Variants in ABCC11 observed in about 807,000 individuals in gnomAD.
The protein encoded by ABCC11 is ATP-binding cassette sub-family C member 11.
Under a neutral mutation model 149.3 loss-of-function variants are expected in ABCC11, and 135 were observed. That is an observed-to-expected ratio of 0.90 (90% confidence interval 0.79 to 1.04). The LOEUF is 1.04. ABCC11 is among the 50% of genes least tolerant of loss of function. The pLI, the probability that ABCC11 is intolerant of heterozygous loss-of-function variation, is 0.00. For missense variants in ABCC11, 1,680 were observed against 1,722.1 expected (o/e 0.98, Z 0.43); for synonymous variants, 665 against 671.4 (o/e 0.99, Z 0.15).
chr16:48,205,687 G>T (rs1311153181), intron 12 of ABCC11, 150 bp from the exon 13 acceptor site: 2 of 1,035,598 alleles, frequency 1.9e-6, no homozygotes, highest in Non-Finnish European at 1.3e-6. Flanking sequence ...GCCCTACCAG[G>T]CCCACCAGCG....
intron 1 of ABCC11, 108 bp from the exon 2 acceptor site, chr16:48,232,047 T>C (rs553703111): frequency 7.2e-5 from 109 of 1,523,770 alleles, no homozygotes; most frequent in East Asian, 1.8e-4. Flanking sequence ...AGGGAGCATA[T>C]TGGGGCCATG....
In ABCC11 at chr16:48,211,109, A is replaced by G. The variant is rs186995700; in HGVS notation, c.1447T>C (p.Trp483Arg). The change falls in exon 11 of 30, where the codon TGG becomes CGG. Residue 483 changes from tryptophan (W) to arginine (R), a missense_variant. By Grantham distance (101) the Trp-to-Arg change is moderately radical. Transcript: ENST00000356608. ...ALVFEEATLS[W>R]QQTCPGIVNG... The stretch of plus-strand genomic sequence containing the variant: ...ACGATCCCGGGACAGGTCTGTTGCC[A>G]TGACAAGGTGGCCTCCTCAAAGACC... The G allele has an allele frequency of 1.1e-3, 1,830 of 1,614,208 alleles. 17 individuals are homozygous for G. The highest frequency in any genetic ancestry group is 2.2e-4 in the East Asian group (10 of 44,884).
intron 4 of ABCC11, among the ~76,000 whole-genome samples, chr16:48,226,917 C>T (rs1392035174): frequency 6.6e-6 from 1 of 152,208 alleles, no homozygotes; most frequent in Non-Finnish European, 1.5e-5. Context: ...TTTGGAAACT[C>T]ATTTTCCACC....
At chr16:48,191,112 T>C (rs377416389) in intron 20 of ABCC11, among the ~76,000 whole-genome samples, 31 of 152,318 alleles carry the variant, frequency 2.0e-4, no homozygotes, top group South Asian at 2.1e-4. Context: ...TCAAAACCCA[T>C]AGAATGCACA....
At chr16:48,179,145 C>G (rs1966272484) in intron 23 of ABCC11, among the ~76,000 whole-genome samples, 3 of 152,186 alleles carry the variant, frequency 2.0e-5, no homozygotes, top group South Asian at 4.1e-4. Context: ...GATCCCAGGA[C>G]AGTTGAGCCC....
At chr16:48,246,314 G>C (rs1343839106) in intron 1 of ABCC11, among the ~76,000 whole-genome samples, 1 of 152,152 alleles carries the variant, frequency 6.6e-6, no homozygotes, top group Non-Finnish European at 1.5e-5. Flanking sequence ...AATTGTATTG[G>C]ATTCTAGTTT....
At chr16:48,181,546 C>T (rs781360676) in intron 23 of ABCC11, among the ~76,000 whole-genome samples, 11 of 152,208 alleles carry the variant, frequency 7.2e-5, no homozygotes, top group Middle Eastern at 3.4e-3. Flanking sequence ...AACCAATTTA[C>T]CCAAAGCCAC....
At chr16:48,173,089 G>C (rs1965821284) in intron 26 of ABCC11, among the ~76,000 whole-genome samples, 1 of 152,178 alleles carries the variant, frequency 6.6e-6, no homozygotes, top group African/African-American at 2.4e-5. Context: ...TGGGTTATTT[G>C]ACATTTTCTC....
chr16:48,208,903 C>T (rs534380411), intron 11 of ABCC11, among the ~76,000 whole-genome samples: 1 of 152,188 alleles, frequency 6.6e-6, no homozygotes, highest in African/African-American at 2.4e-5. Flanking sequence ...TTTATTGAAG[C>T]ATTCATTCAC....
chr16:48,177,153 T>C, intron 24 of ABCC11, 40 bp from the exon 25 acceptor site: 1 of 1,584,026 alleles, frequency 6.3e-7, no homozygotes, highest in African/African-American at 1.3e-5. Context: ...ATAGTTATCA[T>C]CTATCTCGGC....
chr16:48,232,464 C>T (rs1173532703), intron 1 of ABCC11, among the ~76,000 whole-genome samples: 3 of 152,180 alleles, frequency 2.0e-5, no homozygotes, highest in Non-Finnish European at 4.4e-5. Context: ...AAAGAAACAT[C>T]ATTTTCCCTG....
chr16:48,187,004 T>C lies in ABCC11; in HGVS notation c.3020A>G (p.Gln1007Arg), dbSNP rs1966786667. Residue 1007 changes from glutamine to arginine, a missense_variant, in exon 22 of 30, where the codon CAA becomes CGA. Transcript: ENST00000356608. ...PLFSHILNSLQGLSSIHVYGK... is the reference protein window; with the variant it reads ...PLFSHILNSLRGLSSIHVYGK... ...ATAGACATGGATGGAGCTCAGGCCT[T>C]GCAGAGAATTGAGGATGTGGGAGAA... The C allele has an allele frequency of 6.2e-7, 1 of 1,614,012 alleles. No individual in the cohort carries two copies. The highest frequency in any genetic ancestry group is 8.5e-7 in the Non-Finnish European group (1 of 1,180,022).
intron 23 of ABCC11, among the ~76,000 whole-genome samples, chr16:48,182,747 C>T (rs1261263267): frequency 2.0e-5 from 3 of 149,392 alleles, no homozygotes; most frequent in Non-Finnish European, 4.4e-5. Context: ...CGCATCACTG[C>T]ACTCCAGCCT....
chr16:48,169,867 T>A (rs1965589206), intron 28 of ABCC11, among the ~76,000 whole-genome samples: 1 of 152,076 alleles, frequency 6.6e-6, no homozygotes, highest in East Asian at 1.9e-4. Context: ...TATACATATG[T>A]AACAAACCTG....
intron 18 of ABCC11, among the ~76,000 whole-genome samples, chr16:48,195,242 C>A (rs1022825764): frequency 6.6e-6 from 1 of 152,194 alleles, no homozygotes; most frequent in Admixed American, 6.5e-5. Flanking sequence ...TGACTTTATA[C>A]CCCTCCCCTC....
intron 15 of ABCC11, among the ~76,000 whole-genome samples, chr16:48,200,005 G>T (rs181904508): frequency 1.3e-5 from 2 of 152,208 alleles, no homozygotes; most frequent in Admixed American, 1.3e-4. Flanking sequence ...TTGAAAAGCA[G>T]GGGTCTACTC....
chr16:48,208,385 T>G, intron 12 of ABCC11, 40 bp downstream of exon 12: 1 of 1,612,848 alleles, frequency 6.2e-7, no homozygotes, highest in Non-Finnish European at 8.5e-7. Context: ...GGGCCTGGAC[T>G]GCCTGCAGAC....
chr16:48,165,268 A>C (rs1162423514), downstream of ABCC11: 1 of 152,416 alleles, frequency 6.6e-6, no homozygotes. Flanking sequence ...CAGGGCCCAA[A>C]AAAGAAAAAA....
chr16:48,180,804 T>C (rs996667138), intron 23 of ABCC11, among the ~76,000 whole-genome samples: 18 of 152,164 alleles, frequency 1.2e-4, no homozygotes, highest in African/African-American at 4.3e-4. Flanking sequence ...AATTAAACAT[T>C]ACTCTGGTGA....
Sources: allele counts gnomAD v4.1 joint callset (sites outside exome capture counted in the v4.1 genomes callset), GRCh38; gene constraint gnomAD v4.1.1; transcripts MANE v1.5; gene names NCBI Gene and HGNC (gene_info 2026-07-23, HGNC 2026-07-21).